Variants in CCNF observed in about 807,000 individuals in gnomAD.
CCNF encodes cyclin-F.
A neutral mutation model predicts 85.4 loss-of-function variants in CCNF; 30 were observed. The observed-to-expected ratio is 0.35, with a 90% CI of 0.26 to 0.48. CCNF has a LOEUF of 0.48. CCNF is among the 20% of genes least tolerant of loss of function. The pLI is 0.99. For missense variants in CCNF, 919 were observed against 1,010.4 expected (o/e 0.91, Z 1.23); for synonymous variants, 439 against 425.1 (o/e 1.03, Z -0.40).
chr16:2,436,790 C>T (rs998230500), intron 4 of CCNF: 4 of 205,236 alleles, frequency 1.9e-5, no homozygotes, highest in Non-Finnish European at 3.9e-5. Context: ...CCACCCCTGC[C>T]CTGGACCCAT....
rs371389975 is a variant in CCNF at position 2,438,162 on chromosome 16, G to A, written c.594+39G>A. On this transcript the variant is annotated intron_variant, in intron 6 of 16. Transcript: ENST00000397066. ...TTCTCTGCACTGGGACTTTGTGTTCGATACATCCCTAGCCGAGATCCTGGA... is the reference window on the plus strand; with the variant it reads ...TTCTCTGCACTGGGACTTTGTGTTCAATACATCCCTAGCCGAGATCCTGGA... 38 of 1,410,442 alleles carry A rather than the reference G, an allele frequency of 2.7e-5. No homozygotes were observed. In the East Asian group the frequency reaches 5.5e-4, roughly 20 times the overall value. The allele number at this position is 1,410,442 out of a possible 1,614,324, so 87.4% of individuals were successfully genotyped here.
chr16:2,436,471 G>A (rs1338838118), intron 4 of CCNF: 1 of 152,258 alleles, frequency 6.6e-6, no homozygotes, highest in African/African-American at 2.4e-5. Context: ...AGTAAACACT[G>A]GGATGTAGCC....
rs917717305 is a variant in CCNF, at chr16:2,456,323, A to C, written c.1886-222A>C. On this transcript the variant is annotated intron_variant, in intron 16 of 16. Transcript: ENST00000397066. This position sits in a 1 kb window ranked among gnomAD's most constrained non-coding sequence, Gnocchi z 4.5. The stretch of plus-strand genomic sequence containing the variant: ...CTTCTGCGTCCACTTGGCTTGAGCT[A>C]GATGGCCAACTTGTCATCTCCACAT... The C allele has an allele frequency of 1.3e-4, 64 of 479,206 alleles. No homozygotes were observed. The Middle Eastern group carries it at 1.6e-3, about 12-fold the overall frequency. 29.7% of individuals were successfully genotyped at this position (479,206 alleles called of 1,614,324 possible).
In CCNF at chr16:2,429,473, A is replaced by G. The variant is rs1422521637; in HGVS notation, c.-9A>G. 1.3e-5 allele frequency: 16 copies of G among 1,227,276 alleles called. No homozygotes were observed. The highest frequency in any genetic ancestry group is 1.2e-5 in the Non-Finnish European group (12 of 985,722). The allele number at this position is 1,227,276 out of a possible 1,614,324, so 76.0% of individuals were successfully genotyped here. ...GGCGGGCTCCGGCGGCAGCGACGCG[A>G]GCGCGGCGATGGGGAGCGGCGGCGG... is the stretch of plus-strand genomic sequence containing the variant. On this transcript the variant is annotated 5_prime_UTR_variant, in exon 1 of 17. Coordinates refer to ENST00000397066, the MANE Select transcript of CCNF (RefSeq NM_001761.3).
rs1171657242 is a variant in CCNF, at chr16:2,454,221, C to T, written c.1715+684C>T. The stretch of plus-strand genomic sequence containing the variant: ...GAAGCGTTGTGTCGGGAGTGGGCTC[C>T]TGGCAGGAGACCTCAACTCCTGGGG... On this transcript the variant is annotated intron_variant, in intron 15 of 16. Transcript: ENST00000397066. Among the ~76,000 whole-genome samples, 3 of 152,190 alleles carry T rather than the reference C, an allele frequency of 2.0e-5. No homozygotes were observed. In the East Asian group the frequency reaches 5.8e-4, roughly 29 times the overall value.
chr16:2,449,042 G>GCC, intron 11 of CCNF, 64 bp downstream of exon 11: 33 of 683,452 alleles, frequency 4.8e-5, no homozygotes, highest in Non-Finnish European at 9.0e-5. Flanking sequence ...GTGGGGGTGG[G>GCC]CATTCAGCTT....
chr16:2,454,354 C>T (rs1436570230), intron 15 of CCNF, among the ~76,000 whole-genome samples: 5 of 152,176 alleles, frequency 3.3e-5, no homozygotes, highest in Non-Finnish European at 7.3e-5. Flanking sequence ...TGTGTCACTC[C>T]ACACACGCAC....
Position 2,455,433 on chromosome 16 carries a change from T to A in CCNF, c.1754T>A (p.Phe585Tyr). 1 of 1,592,104 alleles carries A rather than the reference T, an allele frequency of 6.3e-7. No individual in the cohort carries two copies. The highest frequency in any genetic ancestry group is 8.6e-7 in the Non-Finnish European group (1 of 1,162,554). ...AGCCTCCAGGAAGACAGAGGCAGCT[T>A]CGTTACCACCCCCACTGCGGAGCTG... is the stretch of plus-strand genomic sequence containing the variant. The part of the protein sequence containing the change: ...ENSLQEDRGS[F>Y]VTTPTAELSS... Residue 585 changes from phenylalanine (F) to tyrosine (Y), a missense_variant, in exon 16 of 17, where the codon TTC (phenylalanine) becomes TAC (tyrosine). Transcript: ENST00000397066.
chr16:2,453,669 C>T lies in CCNF; in HGVS notation c.1715+132C>T. 2.5e-6 allele frequency: 3 copies of T among 1,192,730 alleles called. No individual in the cohort carries two copies. The highest frequency in any genetic ancestry group is 2.4e-6 in the Non-Finnish European group (2 of 839,846). 73.9% of individuals were successfully genotyped at this position (1,192,730 alleles called of 1,614,324 possible). A position where few individuals can be genotyped will look rare whatever the true frequency, so the allele number is the denominator to read the frequency against. On this transcript the variant is annotated intron_variant, in intron 15 of 16. Coordinates refer to ENST00000397066, the MANE Select transcript of CCNF (RefSeq NM_001761.3). This position sits in a 1 kb window ranked among gnomAD's most constrained non-coding sequence, Gnocchi z 5.6. The stretch of plus-strand genomic sequence containing the variant: ...GGAGCAGCAGATCCCAGGACAGTGA[C>T]CCTGGGACGGAGCCCTGCAGTCATG...
At position 2,458,527 on chromosome 16, in the gene CCNF, G is replaced by A. The variant is rs1288377085; in HGVS notation, c.*1507G>A. ...GGTCTCCCAAAGTGCTGGGATTACAGGCATGAGCCACGGCGCCTGGCCCCC... is the reference window on the plus strand; with the variant it reads ...GGTCTCCCAAAGTGCTGGGATTACAAGCATGAGCCACGGCGCCTGGCCCCC... On this transcript the variant is annotated 3_prime_UTR_variant, in exon 17 of 17. Transcript: ENST00000397066. The A allele has an allele frequency of 6.6e-6, 1 of 152,406 alleles. No individual in the cohort carries two copies. The highest frequency in any genetic ancestry group is 1.5e-5 in the Non-Finnish European group (1 of 68,184). The allele number at this position is 152,406 out of a possible 1,614,324, so 9.4% of individuals were successfully genotyped here. A position where few individuals can be genotyped will look rare whatever the true frequency, so the allele number is the denominator to read the frequency against.
rs2065356280 is a variant in CCNF, at chr16:2,445,449, T to C, written c.930-9T>C. The C allele has an allele frequency of 6.2e-7, 1 of 1,613,918 alleles. No homozygotes were observed. Among genetic ancestry groups the C allele is most frequent in the Non-Finnish European group, 8.5e-7 (1 of 1,179,960 alleles). On this transcript the variant is annotated splice_polypyrimidine_tract_variant and intron_variant, in intron 9 of 16. Transcript: ENST00000397066. ...CCCCACCAGTTCCCACGTGCTTCTC[T>C]TTCCGCAGGTACATTCTGATCGACT...
chr16:2,432,276 C>G (rs1445926441), intron 2 of CCNF, among the ~76,000 whole-genome samples: 1 of 152,134 alleles, frequency 6.6e-6, no homozygotes, highest in African/African-American at 2.4e-5. Flanking sequence ...GATATTGGAA[C>G]CATAGGCTTA....
In CCNF at chr16:2,452,437, T is replaced by A. The variant is rs997527798; in HGVS notation, c.1488-773T>A. 1 of 152,248 alleles carries A rather than the reference T, an allele frequency of 6.6e-6. No homozygotes were observed. The highest frequency in any genetic ancestry group is 1.5e-5 in the Non-Finnish European group (1 of 68,072). The allele number at this position is 152,248 out of a possible 1,614,324, so 9.4% of individuals were successfully genotyped here. A position where few individuals can be genotyped will look rare whatever the true frequency, so the allele number is the denominator to read the frequency against. On this transcript the variant is annotated intron_variant, in intron 13 of 16. Coordinates refer to ENST00000397066, the MANE Select transcript of CCNF (RefSeq NM_001761.3). The surrounding 1 kb of genome is among the most constrained non-coding windows in gnomAD (Gnocchi z 4.1). Reference sequence around the variant, plus strand: ...GGGTCTCGTCCCACCCACCTTTGCTTATGGGGAGCACAGATCGTCCCAACC... The same window carrying A: ...GGGTCTCGTCCCACCCACCTTTGCTAATGGGGAGCACAGATCGTCCCAACC...
intron 1 of CCNF, among the ~76,000 whole-genome samples, chr16:2,429,878 T>A (rs1447921431): frequency 6.6e-6 from 1 of 151,674 alleles, no homozygotes; most frequent in Non-Finnish European, 1.5e-5. Flanking sequence ...GGCGAAGCGA[T>A]CCCGCAGCCC....
At chr16:2,434,238 G>A (rs754303582) in intron 3 of CCNF, among the ~76,000 whole-genome samples, 4 of 152,144 alleles carry the variant, frequency 2.6e-5, no homozygotes, top group Admixed American at 2.0e-4. Context: ...CCCAGCAGGT[G>A]GAGGTTGCAG....
At chr16:2,433,588 C>T (rs1039274372) in intron 3 of CCNF, among the ~76,000 whole-genome samples, 40 of 151,884 alleles carry the variant, frequency 2.6e-4, no homozygotes, top group African/African-American at 7.0e-4. Flanking sequence ...TTTTTGTTTT[C>T]GTTTTTGTTT....
chr16:2,449,763 C>T (rs2065383346), intron 12 of CCNF, 65 bp from the exon 13 acceptor site: 3 of 866,014 alleles, frequency 3.5e-6, no homozygotes, highest in Non-Finnish European at 3.8e-6. Context: ...ACCACAGCCC[C>T]TCCGTCCCCT....
rs191688502 is a variant in CCNF at position 2,446,128 on chromosome 16, T to A, written c.1094+506T>A. Among the ~76,000 whole-genome samples, 494 of 152,328 alleles carry A rather than the reference T, an allele frequency of 3.2e-3. 2 individuals carry two copies. Among genetic ancestry groups the A allele is most frequent in the Non-Finnish European group, 5.2e-3 (353 of 68,030 alleles). On this transcript the variant is annotated intron_variant, in intron 10 of 16. Coordinates refer to ENST00000397066, the MANE Select transcript of CCNF (RefSeq NM_001761.3). ...TGCAGGCAGGGGTGGCAGAACAGCC[T>A]TCAGCGTGTGGGGGCCGCTGTGTGG... is the stretch of plus-strand genomic sequence containing the variant.
chr16:2,454,500 C>T lies in CCNF; in HGVS notation c.1716-895C>T, dbSNP rs544190682. Reference sequence around the variant, plus strand: ...GCTTCTCAGAGGCCCCCCACAGCCCCATCAGTCTTCTGAGACAGACCCCCA... The same window carrying T: ...GCTTCTCAGAGGCCCCCCACAGCCCTATCAGTCTTCTGAGACAGACCCCCA... On this transcript the variant is annotated intron_variant, in intron 15 of 16. Transcript: ENST00000397066. 8.5e-5 allele frequency among the ~76,000 whole-genome samples: 13 copies of T among 152,350 alleles called. No individual in the cohort carries two copies. The South Asian group carries it at 2.5e-3, about 29-fold the overall frequency.
Sources: allele counts gnomAD v4.1 joint callset (sites outside exome capture counted in the v4.1 genomes callset), GRCh38; gene constraint gnomAD v4.1.1; non-coding constraint Gnocchi (gnomAD v3.1); transcripts MANE v1.5; gene names NCBI Gene and HGNC (gene_info 2026-07-23, HGNC 2026-07-21).